PKHD1: variants seen among roughly 807,000 people sequenced by gnomAD.
PKHD1 encodes the protein fibrocystin.
In PKHD1, 291 loss-of-function variants were observed where a neutral mutation model predicts 412.0. The ratio of observed to expected loss-of-function variants is 0.71; its 90% CI spans 0.64 to 0.78. The LOEUF (loss-of-function observed/expected upper bound fraction) is 0.78, where lower values mean the gene tolerates loss of function less well. PKHD1 is among the 30% of genes least tolerant of loss of function. PKHD1 has a pLI of 0.00. For synonymous variants in PKHD1, 1,777 were observed against 1,821.5 expected (o/e 0.98, Z 0.62); for missense variants, 4,825 against 4,950.7 (o/e 0.97, Z 0.76).
At chr6:51,949,548 G>A (rs1789995543) in intron 36 of PKHD1, among the ~76,000 whole-genome samples, 1 of 152,172 alleles carries the variant, frequency 6.6e-6, no homozygotes, top group South Asian at 2.1e-4. Context: ...TCCTTTGTTG[G>A]CAAGATCCGG....
intron 60 of PKHD1, among the ~76,000 whole-genome samples, chr6:51,737,844 T>C (rs1249714796): frequency 6.6e-6 from 1 of 152,122 alleles, no homozygotes; most frequent in Admixed American, 6.5e-5. Flanking sequence ...ATCCTAATGA[T>C]AAGTCAGTTT....
chr6:52,042,766 T>C, intron 27 of PKHD1, 93 bp downstream of exon 27: 1 of 1,123,228 alleles, frequency 8.9e-7, no homozygotes, highest in Non-Finnish European at 1.3e-6. Context: ...TCACAGTGAA[T>C]ATGGAATTCA....
At chr6:51,849,697 A>G (rs1045675541) in intron 49 of PKHD1, among the ~76,000 whole-genome samples, 5 of 152,136 alleles carry the variant, frequency 3.3e-5, no homozygotes, top group African/African-American at 7.2e-5. Context: ...TCTTCTTTTG[A>G]GAAATGTCTG....
At chr6:51,806,033 T>G (rs191073770) in intron 52 of PKHD1, among the ~76,000 whole-genome samples, 1 of 149,638 alleles carries the variant, frequency 6.7e-6, no homozygotes, top group East Asian at 2.0e-4. Context: ...CCAGATGGTA[T>G]TTCTAGTTCT....
In PKHD1 at chr6:51,753,327, G is replaced by A. The variant is rs398124500; in HGVS notation, c.8824C>T (p.Arg2942Ter). 1.2e-5 allele frequency: 19 copies of A among 1,613,564 alleles called. No individual in the cohort carries two copies. The highest frequency in any genetic ancestry group is 1.5e-5 in the Non-Finnish European group (18 of 1,179,758). Residue 2942 changes from arginine to a stop codon, truncating the protein, a stop_gained, in exon 57 of 67, where the codon CGA becomes TGA. Transcript: ENST00000371117. LOFTEE classifies it high-confidence loss of function. ...IGSVHVTEDG[R>*]HIRLAAEVGL... is the part of the protein sequence containing the mutation. ...ACCTCAGCAGCCAAACGAATGTGTCGGCCATCCTCCGTGACATGTACACTT... is the reference window on the plus strand; with the variant it reads ...ACCTCAGCAGCCAAACGAATGTGTCAGCCATCCTCCGTGACATGTACACTT...
chr6:52,010,342 A>G lies in PKHD1; in HGVS notation c.5718T>C (p.Thr1906=), dbSNP rs374118763. The change falls in exon 35 of 67, where the codon ACT becomes ACC. Residue 1906 remains threonine, a synonymous_variant. Transcript: ENST00000371117. ...TPNQPITVKI[T]EIRKRWGQNT... ...TCTGGCCCCAGCGTTTCCGTATCTC[A>G]GTAATCTTGACGGTAATTGGCTGAT... The G allele has an allele frequency of 6.2e-6, 10 of 1,613,778 alleles. No homozygotes were observed. Among genetic ancestry groups the G allele is most frequent in the Admixed American group, 1.7e-5 (1 of 59,992 alleles).
chr6:52,056,229 G>A (rs1807703752), intron 18 of PKHD1, among the ~76,000 whole-genome samples: 3 of 152,170 alleles, frequency 2.0e-5, no homozygotes, highest in Non-Finnish European at 2.9e-5. Context: ...AAAAGACAAG[G>A]AATATCAAGA....
chr6:51,714,570 T>C (rs1302405382), intron 60 of PKHD1, among the ~76,000 whole-genome samples: 4 of 152,186 alleles, frequency 2.6e-5, no homozygotes, highest in Admixed American at 2.0e-4. Context: ...ACTTACCGTA[T>C]ATGGCTATGT....
intron 43 of PKHD1, among the ~76,000 whole-genome samples, chr6:51,900,887 C>T (rs1781145344): frequency 6.6e-6 from 1 of 152,216 alleles, no homozygotes; most frequent in African/African-American, 2.4e-5. Flanking sequence ...CAAAAGAAGA[C>T]ATTTATGGAG....
intron 63 of PKHD1, 108 bp from the exon 64 acceptor site, chr6:51,639,064 A>T: frequency 1.2e-6 from 1 of 851,710 alleles, no homozygotes; most frequent in Non-Finnish European, 2.0e-6. Flanking sequence ...ACAATTTTTT[A>T]AACTCAAAGA....
intron 37 of PKHD1, among the ~76,000 whole-genome samples, chr6:51,917,650 G>A (rs547872287): frequency 3.2e-4 from 48 of 152,172 alleles, no homozygotes; most frequent in Middle Eastern, 6.8e-3. Flanking sequence ...AATGGGAAGC[G>A]TACCCTAGGC....
intron 35 of PKHD1, among the ~76,000 whole-genome samples, chr6:51,995,039 T>C (rs1012038320): frequency 2.6e-5 from 4 of 152,210 alleles, no homozygotes; most frequent in African/African-American, 9.7e-5. Context: ...TCAGGTATGC[T>C]CTCTGGTCAC....
At chr6:51,698,581 C>T (rs187289514) in intron 60 of PKHD1, among the ~76,000 whole-genome samples, 4 of 152,010 alleles carry the variant, frequency 2.6e-5, no homozygotes, top group African/African-American at 9.6e-5. Flanking sequence ...TCCCATGGTT[C>T]CTAAGGAGCA....
chr6:52,020,036 C>G (rs780378839), intron 33 of PKHD1, among the ~76,000 whole-genome samples: 1 of 152,134 alleles, frequency 6.6e-6, no homozygotes, highest in African/African-American at 2.4e-5. Flanking sequence ...GGGTCATTAT[C>G]TGTAACCTGG....
At chr6:51,971,494 AAAGT>A (rs1319132619) in intron 35 of PKHD1, among the ~76,000 whole-genome samples, 16 of 152,324 alleles carry the variant, frequency 1.1e-4, no homozygotes, top group African/African-American at 3.8e-4. Context: ...CAAAAAATGT[AAAGT>A]AAGACCTGAT....
At chr6:51,735,723 CA>C in intron 60 of PKHD1, among the ~76,000 whole-genome samples, 1 of 151,950 alleles carries the variant, frequency 6.6e-6, no homozygotes, top group East Asian at 1.9e-4. Flanking sequence ...ACCAGGAGTT[CA>C]AGACCAGCCT....
At position 52,082,632 on chromosome 6, in the gene PKHD1, A is replaced by T. The variant is rs1812210596; in HGVS notation, c.131-90T>A. 3 of 1,301,606 alleles carry T rather than the reference A, an allele frequency of 2.3e-6. No individual in the cohort carries two copies. In the South Asian group the frequency reaches 3.6e-5, roughly 16 times the overall value. The allele number at this position is 1,301,606 out of a possible 1,614,324, so 80.6% of individuals were successfully genotyped here. On this transcript the variant is annotated intron_variant, in intron 3 of 66. Coordinates refer to ENST00000371117, the MANE Select transcript of PKHD1 (RefSeq NM_138694.4). ...TGTGCTAAGATCCTGGGGGTAATGT[A>T]AGACATTAAATTTGCCCAAGGATTA... is the stretch of plus-strand genomic sequence containing the variant.
chr6:51,961,761 A>C (rs1434626952), intron 35 of PKHD1, among the ~76,000 whole-genome samples: 1 of 152,138 alleles, frequency 6.6e-6, no homozygotes, highest in East Asian at 1.9e-4. Flanking sequence ...CTGTAGTGTC[A>C]GCTGCGAGTC....
chr6:51,881,194 A>C (rs1284485218), intron 46 of PKHD1, among the ~76,000 whole-genome samples: 4 of 149,146 alleles, frequency 2.7e-5, no homozygotes, highest in African/African-American at 1.0e-4. Context: ...TTGCTTGTTC[A>C]CTTTAATGCT....
Sources: gnomAD v4.1 joint callset for allele counts (sites outside exome capture counted in the v4.1 genomes callset) on GRCh38, gnomAD v4.1.1 for gene constraint, MANE v1.5 for transcripts, NCBI Gene and HGNC (gene_info 2026-07-23, HGNC 2026-07-21) for gene names.